Variants in SATB1 observed in about 807,000 individuals in gnomAD.
SATB1 encodes the protein DNA-binding protein SATB1.
Under a neutral mutation model 86.9 loss-of-function variants are expected in SATB1, and 11 were observed. The ratio of observed to expected loss-of-function variants is 0.13; its 90% CI spans 0.08 to 0.21. The LOEUF is 0.21. SATB1 is among the 10% of genes least tolerant of loss of function. The pLI, the probability that SATB1 is intolerant of heterozygous loss-of-function variation, is 1.00. For missense variants in SATB1, 551 were observed against 937.6 expected, an observed-to-expected ratio of 0.59 and a Z score of 5.39; for synonymous variants, 357 against 357.2, an observed-to-expected ratio of 1.00 and a Z score of 0.01.
intron 9 of SATB1, among the ~76,000 whole-genome samples, chr3:18,364,752 T>C (rs941554991): frequency 5.9e-5 from 9 of 152,064 alleles, no homozygotes; most frequent in African/African-American, 2.2e-4. Flanking sequence ...CACGTACGTA[T>C]AGACACACTT....
intron 5 of SATB1, among the ~76,000 whole-genome samples, chr3:18,405,632 G>A (rs1385252011): frequency 6.6e-6 from 1 of 151,764 alleles, no homozygotes; most frequent in African/African-American, 2.4e-5. Flanking sequence ...CTGGCTTTTA[G>A]CTCTTTACAG....
At chr3:18,409,159 CTT>C (rs1559445053) in intron 5 of SATB1, 3 of 152,074 alleles carry the variant, frequency 2.0e-5, no homozygotes, top group Non-Finnish European at 2.9e-5. Flanking sequence ...AGCTTAAACT[CTT>C]TTATGTTTTA....
chr3:18,382,865 G>A (rs1696133734), intron 8 of SATB1, among the ~76,000 whole-genome samples: 1 of 152,184 alleles, frequency 6.6e-6, no homozygotes, highest in Non-Finnish European at 1.5e-5. Flanking sequence ...TTCTGAGGAG[G>A]TGGCTTGAAG....
chr3:18,444,949 A>AG lies in SATB1; in HGVS notation c.-25+568dup, dbSNP rs1228413014. 19 of 38,950 alleles carry AG rather than the reference A, an allele frequency of 4.9e-4. No individual in the cohort carries two copies. Among genetic ancestry groups the AG allele is most frequent in the Admixed American group, 3.7e-3 (18 of 4,826 alleles). 2.4% of individuals were successfully genotyped at this position (38,950 alleles called of 1,614,324 possible). ...GGGAGGGGGCGGCGGCGGGGGCGGGAGGGGGAAGGGGCCGGCGGGAGCTGC... is the reference window on the plus strand; with the variant it reads ...GGGAGGGGGCGGCGGCGGGGGCGGGAGGGGGGAAGGGGCCGGCGGGAGCTGC... On this transcript the variant is annotated intron_variant, in intron 1 of 3. Coordinates refer to the SATB1 transcript ENST00000415069. The surrounding 1 kb of genome is among the most constrained non-coding windows in gnomAD (Gnocchi z 5.1).
intron 5 of SATB1, among the ~76,000 whole-genome samples, chr3:18,413,365 A>C (rs1319362925): frequency 6.6e-6 from 1 of 152,152 alleles, no homozygotes; most frequent in Non-Finnish European, 1.5e-5. Flanking sequence ...TCTTCAGCTC[A>C]TAGTAAATGC....
chr3:18,351,149 A>C, intron 10 of SATB1: 1 of 660,436 alleles, frequency 1.5e-6, no homozygotes, highest in East Asian at 2.8e-5. Context: ...GTCCCATGAC[A>C]TGACAAACAA....
chr3:18,406,869 C>T (rs1440320729), intron 5 of SATB1, among the ~76,000 whole-genome samples: 5 of 152,112 alleles, frequency 3.3e-5, no homozygotes, highest in Admixed American at 6.6e-5. Flanking sequence ...ACTACTGACA[C>T]GGTATACTGG....
At chr3:18,385,566 T>A (rs2125206086) in intron 8 of SATB1, among the ~76,000 whole-genome samples, 1 of 150,224 alleles carries the variant, frequency 6.7e-6, no homozygotes, top group East Asian at 2.0e-4. Flanking sequence ...GAGCTTGCAG[T>A]GAGTGAAGAT....
Position 18,424,566 on chromosome 3 carries a change from G to C in SATB1, c.-964C>G, listed in dbSNP as rs1698571282. On this transcript the variant is annotated 5_prime_UTR_variant, in exon 1 of 11. Transcript: ENST00000338745. ...AGCGTCTGGGGTCCCAGCAAGTGAGGAGAGAAGAGGTTCGGGGGGAGGGGG... is the reference window on the plus strand; with the variant it reads ...AGCGTCTGGGGTCCCAGCAAGTGAGCAGAGAAGAGGTTCGGGGGGAGGGGG... The C allele has an allele frequency of 6.6e-6, 1 of 152,238 alleles. No homozygotes were observed. Among genetic ancestry groups the C allele is most frequent in the African/African-American group, 2.4e-5 (1 of 41,350 alleles). 9.4% of individuals were successfully genotyped at this position (152,238 alleles called of 1,614,324 possible). A position where few individuals can be genotyped will look rare whatever the true frequency, so the allele number is the denominator to read the frequency against.
Position 18,356,803 on chromosome 3 carries a change from C to T in SATB1, c.1576-4608G>A, listed in dbSNP as rs886563904. The stretch of plus-strand genomic sequence containing the variant: ...TTTAATTGAGTCAAGAAAGTAACCT[C>T]CTTTCATAAATGAATTTATTGTACT... On this transcript the variant is annotated intron_variant, in intron 9 of 10. Coordinates refer to ENST00000338745, the MANE Select transcript of SATB1 (RefSeq NM_002971.6). Among the ~76,000 whole-genome samples, 4 of 151,942 alleles carry T rather than the reference C, an allele frequency of 2.6e-5. No homozygotes were observed. The East Asian group carries it at 7.7e-4, about 29-fold the overall frequency.
chr3:18,403,757 T>C (rs186553568), intron 5 of SATB1, among the ~76,000 whole-genome samples: 7 of 152,224 alleles, frequency 4.6e-5, no homozygotes, highest in East Asian at 1.9e-4. Context: ...TTTTTATGTA[T>C]TGTATTAATG....
At chr3:18,436,612 C>T (rs1699071052) in intron 2 of SATB1, among the ~76,000 whole-genome samples, 1 of 151,960 alleles carries the variant, frequency 6.6e-6, no homozygotes, top group Admixed American at 6.6e-5. Context: ...AGAAAATTCT[C>T]TTTGCCAATA....
chr3:18,398,601 A>C (rs1338885994), intron 5 of SATB1, among the ~76,000 whole-genome samples: 1 of 152,196 alleles, frequency 6.6e-6, no homozygotes, highest in Non-Finnish European at 1.5e-5. Flanking sequence ...TTAATTCTGT[A>C]GCATGCACAC....
intron 8 of SATB1, 135 bp from the exon 9 acceptor site, chr3:18,378,460 T>C: frequency 2.5e-6 from 2 of 803,236 alleles, no homozygotes; most frequent in Non-Finnish European, 3.9e-6. Flanking sequence ...CATTCAACAT[T>C]AGTTATTGCC....
intron 8 of SATB1, among the ~76,000 whole-genome samples, chr3:18,382,070 C>CTACA (rs1696091966): frequency 6.6e-6 from 1 of 152,138 alleles, no homozygotes; most frequent in African/African-American, 2.4e-5. Flanking sequence ...AAGTTCCTGC[C>CTACA]TGTAACTGAA....
At chr3:18,388,776 C>A (rs1222614245) in intron 7 of SATB1, among the ~76,000 whole-genome samples, 3 of 151,910 alleles carry the variant, frequency 2.0e-5, no homozygotes, top group Non-Finnish European at 2.9e-5. Flanking sequence ...TAGATTAGGG[C>A]AAAACATAGT....
intron 2 of SATB1, among the ~76,000 whole-genome samples, chr3:18,434,324 T>C (rs896491101): frequency 2.6e-5 from 4 of 152,048 alleles, no homozygotes; most frequent in African/African-American, 9.7e-5. Context: ...CCAAATCTTG[T>C]GGCATTCTCA....
At chr3:18,369,543 TA>T (rs927447858) in intron 9 of SATB1, among the ~76,000 whole-genome samples, 7 of 151,718 alleles carry the variant, frequency 4.6e-5, no homozygotes, top group African/African-American at 9.7e-5. Context: ...CCCCAACCCT[TA>T]AAAAAAAGGG....
chr3:18,391,312 A>G (rs1453432132), intron 7 of SATB1, among the ~76,000 whole-genome samples: 1 of 152,224 alleles, frequency 6.6e-6, no homozygotes, highest in East Asian at 1.9e-4. Flanking sequence ...AATGCCGTTT[A>G]TAAGAAACAG....
Sources: gnomAD v4.1 joint callset for allele counts (sites outside exome capture counted in the v4.1 genomes callset) on GRCh38, gnomAD v4.1.1 for gene constraint, Gnocchi (gnomAD v3.1) non-coding constraint, MANE v1.5 for transcripts, NCBI Gene and HGNC (gene_info 2026-07-23, HGNC 2026-07-21) for gene names.